ANGPT2: variants seen among roughly 807,000 people sequenced by gnomAD.
ANGPT2 encodes the protein angiopoietin 2, also known as angiopoietin-2.
Under a neutral mutation model 62.9 loss-of-function variants are expected in ANGPT2, and 28 were observed. The observed-to-expected ratio is 0.44, with a 90% CI of 0.33 to 0.61. The LOEUF is 0.61. ANGPT2 is among the 20% of genes least tolerant of loss of function. The pLI is 0.03. For missense variants in ANGPT2, 727 were observed against 594.9 expected, an observed-to-expected ratio of 1.22 and a Z score of -2.31; for synonymous variants, 284 against 207.8, an observed-to-expected ratio of 1.37 and a Z score of -3.15.
At chr8:6,516,735 C>T (rs2916725) in intron 5 of ANGPT2, among the ~76,000 whole-genome samples, 54,982 of 152,070 alleles carry the variant, frequency 0.36, 10,135 homozygotes, top group Middle Eastern at 0.48. Flanking sequence ...AAAGCATTGA[C>T]GTGGCTCTTG....
At chr8:6,555,818 A>C (rs577366676) in intron 1 of ANGPT2, among the ~76,000 whole-genome samples, 1 of 152,180 alleles carries the variant, frequency 6.6e-6, no homozygotes, top group East Asian at 1.9e-4. Context: ...AATTATACCA[A>C]TTGCACCAAT....
chr8:6,555,177 A>G (rs1239645497), intron 1 of ANGPT2, among the ~76,000 whole-genome samples: 3 of 152,152 alleles, frequency 2.0e-5, no homozygotes, highest in Non-Finnish European at 2.9e-5. Context: ...AAGCATTAAC[A>G]TAATCCAAGT....
chr8:6,539,179 G>A (rs55702698), intron 1 of ANGPT2, among the ~76,000 whole-genome samples: 2 of 152,164 alleles, frequency 1.3e-5, no homozygotes, highest in East Asian at 1.9e-4. Context: ...TAAACCCCTC[G>A]CCAGAGCCTG....
rs1825761448 is a variant in ANGPT2 at position 6,562,819 on chromosome 8, C to T, written c.116G>A (p.Gly39Glu). Residue 39 changes from glycine (G) to glutamate (E), a missense_variant, in exon 1 of 9, where the codon GGG becomes GAG. Transcript: ENST00000629816. ...CAGGAGGAAAGTGTAGCTGCAGGACCCATGCTGGACCTGATATTGCTTCTT... is the reference window on the plus strand; with the variant it reads ...CAGGAGGAAAGTGTAGCTGCAGGACTCATGCTGGACCTGATATTGCTTCTT... ...IGKKQYQVQH[G>E]SCSYTFLLPE... 1 of 1,613,484 alleles carries T rather than the reference C, an allele frequency of 6.2e-7. No homozygotes were observed. The highest frequency in any genetic ancestry group is 8.5e-7 in the Non-Finnish European group (1 of 1,179,900).
At chr8:6,536,572 G>A (rs1028309713) in intron 1 of ANGPT2, among the ~76,000 whole-genome samples, 1 of 152,114 alleles carries the variant, frequency 6.6e-6, no homozygotes, top group African/African-American at 2.4e-5. Context: ...TATCTTCTGG[G>A]AGCATCCTGA....
In ANGPT2 at chr8:6,499,706, C is replaced by A. The variant is rs564670184; in HGVS notation, c.*3395G>T. ...ATAACATTTATGCAACATGAAGATT[C>A]TGAAGGGACTTTGTTGTCTGAGAAC... is the stretch of plus-strand genomic sequence containing the variant. On this transcript the variant is annotated 3_prime_UTR_variant, in exon 9 of 9. Coordinates refer to ENST00000629816, the MANE Select transcript of ANGPT2 (RefSeq NM_001118887.2). 7.1e-5 allele frequency: 49 copies of A among 690,838 alleles called. No homozygotes were observed. In the East Asian group the frequency reaches 1.2e-3, roughly 17 times the overall value. The allele number at this position is 690,838 out of a possible 1,614,324, so 42.8% of individuals were successfully genotyped here.
rs1424560762 is a variant in ANGPT2 at position 6,505,413 on chromosome 8, T to TTC, written c.1328-2153_1328-2152insGA. Among the ~76,000 whole-genome samples, 45 of 81,324 alleles carry TTC rather than the reference T, an allele frequency of 5.5e-4. 16 individuals carry two copies. Among genetic ancestry groups the TTC allele is most frequent in the African/African-American group, 2.0e-3 (42 of 21,458 alleles). The allele number at this position is 81,324 out of a possible 152,430, so 53.4% of individuals were successfully genotyped here. A position where few individuals can be genotyped will look rare whatever the true frequency, so the allele number is the denominator to read the frequency against. On this transcript the variant is annotated intron_variant, in intron 8 of 8. Coordinates refer to ENST00000629816, the MANE Select transcript of ANGPT2 (RefSeq NM_001118887.2). ...TATGTATATAGAATATATATATTCT[T>TTC]TATATACATAAAGAATATATATATT...
At chr8:6,528,761 C>T (rs1054019309) in intron 2 of ANGPT2, among the ~76,000 whole-genome samples, 5 of 152,210 alleles carry the variant, frequency 3.3e-5, no homozygotes, top group African/African-American at 1.2e-4. Context: ...TGCCAAGGAA[C>T]CGGAGACCTT....
Position 6,518,340 on chromosome 8 carries a change from C to A in ANGPT2, c.927+1524G>T, listed in dbSNP as rs370775514. 3.9e-5 allele frequency among the ~76,000 whole-genome samples: 6 copies of A among 152,218 alleles called. No homozygotes were observed. The East Asian group carries it at 1.2e-3, about 29-fold the overall frequency. On this transcript the variant is annotated intron_variant, in intron 5 of 8. Transcript: ENST00000629816. Reference sequence around the variant, plus strand: ...CCAGATAGCAAAAGAGATTGAAAGGCTTAGCCTAGAGTCTGTTCGTTGCCT... The same window carrying A: ...CCAGATAGCAAAAGAGATTGAAAGGATTAGCCTAGAGTCTGTTCGTTGCCT...
chr8:6,559,019 G>A (rs1825092244), intron 1 of ANGPT2, among the ~76,000 whole-genome samples: 1 of 151,960 alleles, frequency 6.6e-6, no homozygotes, highest in Admixed American at 6.6e-5. Flanking sequence ...TTACTATATA[G>A]TAATACTAAC....
At chr8:6,547,581 C>T (rs188787853) in intron 1 of ANGPT2, among the ~76,000 whole-genome samples, 1 of 152,330 alleles carries the variant, frequency 6.6e-6, no homozygotes, top group East Asian at 1.9e-4. Flanking sequence ...CACTTTGGAC[C>T]ACCGTAGAAT....
intron 1 of ANGPT2, among the ~76,000 whole-genome samples, chr8:6,544,492 CTG>C (rs1468574122): frequency 1.3e-5 from 2 of 152,158 alleles, no homozygotes; most frequent in South Asian, 2.1e-4. Flanking sequence ...TTACGTCAAA[CTG>C]TTTTTTACAA....
intron 1 of ANGPT2, among the ~76,000 whole-genome samples, chr8:6,551,942 G>T (rs192998025): frequency 6.6e-6 from 1 of 152,048 alleles, no homozygotes; most frequent in African/African-American, 2.4e-5. Flanking sequence ...CAAAGACTAC[G>T]CAGTCTAATA....
intron 5 of ANGPT2, among the ~76,000 whole-genome samples, chr8:6,515,841 C>T (rs1263051434): frequency 2.6e-5 from 4 of 152,186 alleles, no homozygotes; most frequent in Non-Finnish European, 4.4e-5. Flanking sequence ...GCACACTGTT[C>T]TCTGTTTACG....
intron 1 of ANGPT2, among the ~76,000 whole-genome samples, chr8:6,551,829 C>T (rs139722710): frequency 5.5e-4 from 83 of 152,272 alleles, no homozygotes; most frequent in Non-Finnish European, 1.0e-3. Context: ...AATACAATAA[C>T]GTACTTTCTC....
intron 1 of ANGPT2, among the ~76,000 whole-genome samples, chr8:6,537,666 T>C (rs1233165244): frequency 6.6e-6 from 1 of 152,046 alleles, no homozygotes; most frequent in Non-Finnish European, 1.5e-5. Context: ...AATAGGTCCA[T>C]TTGTGAGGCA....
At chr8:6,512,917 C>T (rs1288177241) in intron 7 of ANGPT2, among the ~76,000 whole-genome samples, 1 of 152,194 alleles carries the variant, frequency 6.6e-6, no homozygotes, top group East Asian at 1.9e-4. Context: ...CTAAACTTGA[C>T]AACTAATCTT....
intron 2 of ANGPT2, among the ~76,000 whole-genome samples, chr8:6,530,082 TA>T (rs1278344417): frequency 6.6e-6 from 1 of 152,166 alleles, no homozygotes; most frequent in Admixed American, 6.5e-5. Context: ...AGAAATGTTG[TA>T]GTTTAAAAAT....
At chr8:6,504,047 A>G (rs989823235) in intron 8 of ANGPT2, among the ~76,000 whole-genome samples, 10 of 152,180 alleles carry the variant, frequency 6.6e-5, no homozygotes, top group Non-Finnish European at 1.3e-4. Context: ...GGCCGGGCGC[A>G]GTGGCTCACG....
Sources: allele counts gnomAD v4.1 joint callset (sites outside exome capture counted in the v4.1 genomes callset), GRCh38; gene constraint gnomAD v4.1.1; transcripts MANE v1.5; gene names NCBI Gene and HGNC (gene_info 2026-07-23, HGNC 2026-07-21).